GNA14: variants seen among roughly 807,000 people sequenced by gnomAD.
The protein encoded by GNA14 is G protein subunit alpha 14.
A neutral mutation model predicts 42.0 loss-of-function variants in GNA14; 50 were observed. That is an observed-to-expected ratio of 1.19 (90% confidence interval 0.95 to 1.51). GNA14 has a LOEUF of 1.51. Among genes scored for constraint, GNA14 ranks in the 40% most tolerant of loss-of-function variants. The pLI, the probability that GNA14 is intolerant of heterozygous loss-of-function variation, is 0.00. For missense variants in GNA14, 473 were observed against 446.2 expected, an observed-to-expected ratio of 1.06 and a Z score of -0.54; for synonymous variants, 173 against 163.1, an observed-to-expected ratio of 1.06 and a Z score of -0.46.
chr9:77,525,107 A>G (rs937172580), intron 2 of GNA14, among the ~76,000 whole-genome samples: 2 of 152,308 alleles, frequency 1.3e-5, no homozygotes, highest in African/African-American at 2.4e-5. Flanking sequence ...CTTATTATAC[A>G]TTCTGTACGT....
At chr9:77,555,153 A>C (rs1822755543) in intron 1 of GNA14, among the ~76,000 whole-genome samples, 1 of 152,230 alleles carries the variant, frequency 6.6e-6, no homozygotes, top group African/African-American at 2.4e-5. Flanking sequence ...GATTATCAGC[A>C]AATCAGTGAA....
chr9:77,622,164 G>T (rs1313588963), intron 1 of GNA14, among the ~76,000 whole-genome samples: 1 of 152,182 alleles, frequency 6.6e-6, no homozygotes, highest in Non-Finnish European at 1.5e-5. Flanking sequence ...AGACTGATGA[G>T]TTTGAATACA....
intron 2 of GNA14, among the ~76,000 whole-genome samples, chr9:77,453,166 A>G (rs1835945476): frequency 6.6e-6 from 1 of 152,162 alleles, no homozygotes; most frequent in Non-Finnish European, 1.5e-5. Context: ...AAAAATAAAA[A>G]GAGGCCTGAG....
In GNA14 at chr9:77,647,733, T is replaced by A; in HGVS notation, c.61A>T (p.Ile21Phe). The change falls in exon 1 of 7, where the codon ATC becomes TTC. Residue 21 changes from isoleucine (I) to phenylalanine (F), a missense_variant. Physicochemically the swap from Ile to Phe is conservative, Grantham distance 21. Coordinates refer to ENST00000341700, the MANE Select transcript of GNA14 (RefSeq NM_004297.4). ...TTGTCCCGACGAAGCTGTCGCTCGA[T>A]CTCCGCGCTGATGCGCTGCGACTCC... ...EKESQRISAE[I>F]ERQLRRDKKD... is the part of the protein sequence containing the mutation. 6.2e-7 allele frequency: 1 copy of A among 1,609,940 alleles called. No individual in the cohort carries two copies. Among genetic ancestry groups the A allele is most frequent in the Non-Finnish European group, 8.5e-7 (1 of 1,178,614 alleles).
chr9:77,640,255 C>T (rs547835277), intron 1 of GNA14, among the ~76,000 whole-genome samples: 4 of 152,292 alleles, frequency 2.6e-5, no homozygotes, highest in Non-Finnish European at 4.4e-5. Context: ...CCATGAGATG[C>T]CCTGGTGACA....
chr9:77,466,334 C>T lies in GNA14; in HGVS notation c.310-31812G>A, dbSNP rs75198527. Among the ~76,000 whole-genome samples, 441 of 152,250 alleles carry T rather than the reference C, an allele frequency of 2.9e-3. 1 individual carries two copies. The highest frequency in any genetic ancestry group is 4.6e-3 in the Non-Finnish European group (312 of 68,032). ...CTGTTCTTTAGAATGCATAATCTCT[C>T]GTTATCTCTCTTTAAGTTCACACCG... On this transcript the variant is annotated intron_variant, in intron 2 of 6. Transcript: ENST00000341700.
chr9:77,424,909 G>A (rs1183662656), intron 6 of GNA14, among the ~76,000 whole-genome samples: 2 of 152,134 alleles, frequency 1.3e-5, no homozygotes, highest in African/African-American at 2.4e-5. Flanking sequence ...GCTAAAACAT[G>A]AATCCACTAA....
At chr9:77,608,616 T>C (rs1489362155) in intron 1 of GNA14, among the ~76,000 whole-genome samples, 2 of 152,160 alleles carry the variant, frequency 1.3e-5, no homozygotes, top group Non-Finnish European at 2.9e-5. Context: ...GTGGCAGCTC[T>C]GATGCTCTCC....
At chr9:77,569,022 A>G (rs1823016954) in intron 1 of GNA14, among the ~76,000 whole-genome samples, 1 of 152,210 alleles carries the variant, frequency 6.6e-6, no homozygotes, top group Non-Finnish European at 1.5e-5. Flanking sequence ...CCAGGCAGAA[A>G]GAGCTTTCTA....
intron 2 of GNA14, among the ~76,000 whole-genome samples, chr9:77,504,261 CT>C (rs199934832): frequency 0.011 from 1,623 of 152,198 alleles, 27 homozygotes; most frequent in African/African-American, 0.036. Context: ...TAAACGCGAT[CT>C]TTTTTTCTAA....
chr9:77,639,355 G>A (rs898971174), intron 1 of GNA14, among the ~76,000 whole-genome samples: 5 of 152,200 alleles, frequency 3.3e-5, no homozygotes, highest in African/African-American at 9.7e-5. Context: ...ATAATAGTAC[G>A]TGCCTCATTG....
intron 2 of GNA14, among the ~76,000 whole-genome samples, chr9:77,509,337 A>G (rs1397092360): frequency 6.6e-6 from 1 of 152,152 alleles, no homozygotes; most frequent in Non-Finnish European, 1.5e-5. Context: ...CATTTTGTTT[A>G]CCCATTCATC....
chr9:77,553,991 C>A (rs1822725223), intron 1 of GNA14, among the ~76,000 whole-genome samples: 1 of 152,304 alleles, frequency 6.6e-6, no homozygotes, highest in Non-Finnish European at 1.5e-5. Flanking sequence ...ATGCCGTCTA[C>A]AGTACAGTAA....
At chr9:77,601,840 G>A (rs538155094) in intron 1 of GNA14, among the ~76,000 whole-genome samples, 5 of 152,184 alleles carry the variant, frequency 3.3e-5, no homozygotes, top group Non-Finnish European at 7.4e-5. Flanking sequence ...TGTCTCTTAA[G>A]CCCTCCACTC....
chr9:77,486,961 G>A (rs1836670795), intron 2 of GNA14, among the ~76,000 whole-genome samples: 1 of 150,768 alleles, frequency 6.6e-6, no homozygotes, highest in Non-Finnish European at 1.5e-5. Flanking sequence ...TATGCTGTTG[G>A]AAAAATGAAC....
chr9:77,490,054 C>A (rs957017383), intron 2 of GNA14, among the ~76,000 whole-genome samples: 5 of 151,996 alleles, frequency 3.3e-5, no homozygotes, highest in Non-Finnish European at 7.4e-5. Context: ...TCCACGTCCC[C>A]ACCAGAGCAG....
chr9:77,441,773 C>A (rs1026520138), intron 2 of GNA14, among the ~76,000 whole-genome samples: 13 of 152,006 alleles, frequency 8.6e-5, no homozygotes, highest in Non-Finnish European at 4.4e-5. Context: ...GTAAAATCAC[C>A]CCTCTTTAAC....
intron 1 of GNA14, among the ~76,000 whole-genome samples, chr9:77,538,137 C>T (rs1280491421): frequency 6.7e-6 from 1 of 148,630 alleles, no homozygotes; most frequent in Non-Finnish European, 1.5e-5. Flanking sequence ...GAGGTACAAT[C>T]TTAGCTTACT....
intron 3 of GNA14, 76 bp from the exon 4 acceptor site, chr9:77,431,525 C>A: frequency 2.2e-6 from 3 of 1,364,638 alleles, no homozygotes; most frequent in Non-Finnish European, 3.1e-6. Flanking sequence ...AAGGAAGTCA[C>A]CCCCCACTCA....
Sources: gnomAD v4.1 joint callset for allele counts (sites outside exome capture counted in the v4.1 genomes callset) on GRCh38, gnomAD v4.1.1 for gene constraint, MANE v1.5 for transcripts, NCBI Gene and HGNC (gene_info 2026-07-23, HGNC 2026-07-21) for gene names.